NID2: variants seen among roughly 807,000 people sequenced by gnomAD.
The protein encoded by NID2 is nidogen 2, also known as nidogen-2.
A neutral mutation model predicts 145.4 loss-of-function variants in NID2; 83 were observed. That is an observed-to-expected ratio of 0.57 (90% CI 0.48 to 0.69). NID2 has a LOEUF of 0.69. NID2 is among the 30% of genes least tolerant of loss of function. The pLI is 0.00. For synonymous variants in NID2, 739 were observed against 701.3 expected, an observed-to-expected ratio of 1.05 and a Z score of -0.85; for missense variants, 1,807 against 1,765.7, an observed-to-expected ratio of 1.02 and a Z score of -0.42.
chr14:52,014,239 C>T, intron 16 of NID2, 48 bp downstream of exon 16: 26 of 1,613,102 alleles, frequency 1.6e-5, no homozygotes, highest in Non-Finnish European at 2.1e-5. Flanking sequence ...GTGGCTCCCA[C>T]TGGGAAAGCC....
intron 9 of NID2, among the ~76,000 whole-genome samples, chr14:52,031,950 C>T (rs1169068242): frequency 6.6e-6 from 1 of 152,168 alleles, no homozygotes; most frequent in Non-Finnish European, 1.5e-5. Flanking sequence ...GGGAGACTTG[C>T]CCAGAGTGAC....
intron 9 of NID2, among the ~76,000 whole-genome samples, chr14:52,035,205 C>T (rs968718083): frequency 3.3e-5 from 5 of 152,172 alleles, no homozygotes; most frequent in Non-Finnish European, 7.3e-5. Context: ...TGGCCTATAA[C>T]CAACATTACA....
intron 2 of NID2, among the ~76,000 whole-genome samples, chr14:52,063,315 AGAGGGGCCTCCACAGG>A (rs1427682201): frequency 6.6e-6 from 1 of 152,168 alleles, no homozygotes; most frequent in Non-Finnish European, 1.5e-5. Context: ...CAGAGAGGAG[AGAGGGGCCTCCACAGG>A]GAGAGGAGCA....
intron 9 of NID2, among the ~76,000 whole-genome samples, chr14:52,038,396 C>T (rs1892150265): frequency 6.6e-6 from 1 of 152,214 alleles, no homozygotes; most frequent in Admixed American, 6.5e-5. Flanking sequence ...TCACAGTGCC[C>T]TGCTCTCATC....
At chr14:52,035,878 A>ATATATATATATATATATATATT (rs58318209) in intron 9 of NID2, among the ~76,000 whole-genome samples, 34 of 135,174 alleles carry the variant, frequency 2.5e-4, no homozygotes, top group Admixed American at 4.6e-4. Flanking sequence ...ATATATATAT[A>ATATATATATATATATATATATT]TGTTTTATTT....
intron 5 of NID2, among the ~76,000 whole-genome samples, chr14:52,049,121 C>G (rs1408876270): frequency 6.6e-6 from 1 of 152,056 alleles, no homozygotes; most frequent in African/African-American, 2.4e-5. Flanking sequence ...GATTTGTTAA[C>G]TGAGGTTTGA....
chr14:52,005,685 T>G, intron 21 of NID2, 52 bp downstream of exon 21: 1 of 1,461,542 alleles, frequency 6.8e-7, no homozygotes, highest in East Asian at 2.3e-5. Context: ...ACCATATATA[T>G]CCCTTCTCTA....
chr14:52,011,403 A>AGG, intron 17 of NID2, 151 bp downstream of exon 17: 1 of 837,800 alleles, frequency 1.2e-6, no homozygotes, highest in Non-Finnish European at 1.9e-6. Flanking sequence ...TTGCTTACAG[A>AGG]GGGGGCTAGT....
chr14:52,017,440 C>T (rs1419980192), intron 14 of NID2, among the ~76,000 whole-genome samples: 2 of 152,056 alleles, frequency 1.3e-5, no homozygotes, highest in East Asian at 1.9e-4. Context: ...AAACCAGCGC[C>T]GAGAGAGTGT....
chr14:52,007,806 T>C lies in NID2; in HGVS notation c.3880+4A>G. The C allele has an allele frequency of 6.2e-7, 1 of 1,612,790 alleles. No homozygotes were observed. On this transcript the variant is annotated splice_donor_region_variant and intron_variant, in intron 19 of 21. Transcript: ENST00000216286. Reference sequence around the variant, plus strand: ...ATCTATTTGCATTCCATCAGTAGTATTACCTGCATCTGCCCAGCAGAGCAG... The same window carrying C: ...ATCTATTTGCATTCCATCAGTAGTACTACCTGCATCTGCCCAGCAGAGCAG...
At chr14:52,023,850 C>T (rs907061999) in intron 12 of NID2, among the ~76,000 whole-genome samples, 13 of 152,140 alleles carry the variant, frequency 8.5e-5, no homozygotes, top group African/African-American at 2.7e-4. Flanking sequence ...TCCAGGGAGC[C>T]GGTTTTTTTA....
intron 12 of NID2, among the ~76,000 whole-genome samples, chr14:52,024,192 C>T (rs1891498567): frequency 6.6e-6 from 1 of 152,268 alleles, no homozygotes; most frequent in South Asian, 2.1e-4. Context: ...TCTAAGATGG[C>T]CCCCAACAGT....
intron 2 of NID2, among the ~76,000 whole-genome samples, chr14:52,064,061 G>A (rs532359254): frequency 2.6e-5 from 4 of 152,160 alleles, no homozygotes; most frequent in Admixed American, 2.6e-4. Flanking sequence ...TCTCTTGGAT[G>A]GGCTGTAGAC....
chr14:52,005,336 A>G lies in NID2; in HGVS notation c.*150T>C, dbSNP rs1890724607. ...AGATTGAGGTATCAGCTTTTCACAA[A>G]AGTCTTTTTGCACTACAAAATGTTC... On this transcript the variant is annotated 3_prime_UTR_variant, in exon 22 of 22. Coordinates refer to ENST00000216286, the MANE Select transcript of NID2 (RefSeq NM_007361.4). 1.7e-6 allele frequency: 1 copy of G among 601,420 alleles called. No individual in the cohort carries two copies. 37.3% of individuals were successfully genotyped at this position (601,420 alleles called of 1,614,324 possible).
At chr14:52,014,023 G>C in intron 16 of NID2, 1 of 521,424 alleles carries the variant, frequency 1.9e-6, no homozygotes, top group Non-Finnish European at 3.5e-6. Flanking sequence ...TCCATGTGCT[G>C]ACAACTCTAA....
intron 12 of NID2, among the ~76,000 whole-genome samples, chr14:52,022,214 C>T (rs2140364954): frequency 6.7e-6 from 1 of 150,080 alleles, no homozygotes. Context: ...ATCTGAAAGA[C>T]CAGCCTTCCT....
intron 8 of NID2, 22 bp from the exon 9 acceptor site, chr14:52,038,999 T>C (rs34552350): frequency 0.074 from 112,037 of 1,516,502 alleles, 4,711 homozygotes; most frequent in Middle Eastern, 0.12. Flanking sequence ...ACAGTGGTAA[T>C]TTTTTAAAAA....
chr14:52,049,126 G>T (rs879340396), intron 5 of NID2, among the ~76,000 whole-genome samples: 27 of 152,002 alleles, frequency 1.8e-4, no homozygotes, highest in Non-Finnish European at 3.1e-4. Context: ...GTTAACTGAG[G>T]TTTGATAGTT....
At chr14:52,043,827 C>CG (rs1427702079) in intron 5 of NID2, among the ~76,000 whole-genome samples, 2 of 152,096 alleles carry the variant, frequency 1.3e-5, no homozygotes, top group Non-Finnish European at 2.9e-5. Context: ...GTGCTTTCTC[C>CG]GGGGCACTAG....
Sources: allele counts gnomAD v4.1 joint callset (sites outside exome capture counted in the v4.1 genomes callset), GRCh38; gene constraint gnomAD v4.1.1; transcripts MANE v1.5; gene names NCBI Gene and HGNC (gene_info 2026-07-23, HGNC 2026-07-21).